The following NBAS variants were observed in gnomAD, a reference collection of about 807,000 sequenced individuals.
NBAS encodes the protein NAG/BC035112 fusion.
NBAS carries 219 observed loss-of-function variants against 302.5 expected under a neutral mutation model. The observed-to-expected ratio is 0.72, with a 90% CI of 0.65 to 0.81. The LOEUF (loss-of-function observed/expected upper bound fraction) is 0.81. NBAS is among the 30% of genes least tolerant of loss of function. NBAS has a pLI of 0.00. For missense variants in NBAS, 2,932 were observed against 2,841.6 expected (o/e 1.03, Z -0.72); for synonymous variants, 1,118 against 1,021.6 (o/e 1.09, Z -1.80).
At chr2:15,027,159 GCATTCA>G in the NBAS span, among the ~76,000 whole-genome samples, 3 of 151,970 alleles carry the variant, frequency 2.0e-5, no homozygotes, top group Non-Finnish European at 2.9e-5. Context: ...ATTTGGCATG[GCATTCA>G]CATTTAATAT....
At chr2:15,001,504 A>T in the NBAS span, among the ~76,000 whole-genome samples, 1 of 152,272 alleles carries the variant, frequency 6.6e-6, no homozygotes, top group Non-Finnish European at 1.5e-5. Context: ...GCAGGAGAAA[A>T]CCTACATACT....
the NBAS span, among the ~76,000 whole-genome samples, chr2:15,119,691 T>C: frequency 6.6e-6 from 1 of 152,056 alleles, no homozygotes; most frequent in African/African-American, 2.4e-5. Context: ...TGAATATAAG[T>C]GCATCTGGCT....
At chr2:15,485,107 G>C (rs1680568780) in intron 12 of NBAS, among the ~76,000 whole-genome samples, 1 of 151,888 alleles carries the variant, frequency 6.6e-6, no homozygotes, top group Non-Finnish European at 1.5e-5. Context: ...CTATTAGAAA[G>C]CTAAGGGTTT....
Position 15,473,211 on chromosome 2 carries a change from T to C in NBAS, c.1725+11A>G, listed in dbSNP as rs1402272043. 1.2e-6 allele frequency: 2 copies of C among 1,613,386 alleles called. No individual in the cohort carries two copies. Among genetic ancestry groups the C allele is most frequent in the African/African-American group, 1.3e-5 (1 of 74,890 alleles). ...TACATTTTACCACATTACCAAAATA[T>C]TTAAACATACCAAATAATTCTGAAT... On this transcript the variant is annotated intron_variant, in intron 16 of 51. Transcript: ENST00000281513.
At chr2:14,846,431 C>A in the NBAS span, among the ~76,000 whole-genome samples, 438 of 136,604 alleles carry the variant, frequency 3.2e-3, 3 homozygotes, top group African/African-American at 0.013. Flanking sequence ...AAAAGGAGTA[C>A]TTCAATTAGA....
chr2:14,858,600 A>C, the NBAS span, among the ~76,000 whole-genome samples: 1 of 151,086 alleles, frequency 6.6e-6, no homozygotes, highest in Non-Finnish European at 1.5e-5. Context: ...TATTTATGAG[A>C]GGTAAATATT....
chr2:14,910,895 G>C, the NBAS span, among the ~76,000 whole-genome samples: 1 of 152,210 alleles, frequency 6.6e-6, no homozygotes, highest in Non-Finnish European at 1.5e-5. Flanking sequence ...TGAAGAATCA[G>C]AATATCAAAA....
the NBAS span, among the ~76,000 whole-genome samples, chr2:15,109,280 G>C: frequency 6.6e-6 from 1 of 152,048 alleles, no homozygotes; most frequent in African/African-American, 2.4e-5. Flanking sequence ...TGAATCTATG[G>C]TTAGTGTACA....
chr2:14,912,703 TAAAAAAAA>T, the NBAS span, among the ~76,000 whole-genome samples: 5 of 78,554 alleles, frequency 6.4e-5, no homozygotes, highest in Non-Finnish European at 1.4e-4. Flanking sequence ...CATTCATTTT[TAAAAAAAA>T]AAAAAAAAAA....
At chr2:14,994,709 T>G in the NBAS span, among the ~76,000 whole-genome samples, 10 of 152,190 alleles carry the variant, frequency 6.6e-5, no homozygotes, top group Non-Finnish European at 1.3e-4. Flanking sequence ...TCCTATCTTC[T>G]TTTCCCAACC....
At chr2:15,257,077 A>G (rs1004190649) in intron 44 of NBAS, among the ~76,000 whole-genome samples, 1 of 152,176 alleles carries the variant, frequency 6.6e-6, no homozygotes, top group South Asian at 2.1e-4. Context: ...ATGATTTAGG[A>G]AAGATTCCCT....
intron 44 of NBAS, 33 bp from the exon 45 acceptor site, chr2:15,238,719 C>T (rs747762025): frequency 2.5e-6 from 4 of 1,575,206 alleles, no homozygotes; most frequent in East Asian, 4.5e-5. Context: ...CCAAAGAACC[C>T]TGCATTATTA....
In NBAS at chr2:15,234,530, C is replaced by T. The variant is rs1667507807; in HGVS notation, c.6146+15G>A. Reference sequence around the variant, plus strand: ...GTCACCCCAGTTTTTCCACAATGACCACTTTCTAGCTTACCTCAATGCAGA... The same window carrying T: ...GTCACCCCAGTTTTTCCACAATGACTACTTTCTAGCTTACCTCAATGCAGA... On this transcript the variant is annotated intron_variant, in intron 46 of 51. Coordinates refer to ENST00000281513, the MANE Select transcript of NBAS (RefSeq NM_015909.4). 1 of 1,612,408 alleles carries T rather than the reference C, an allele frequency of 6.2e-7. No individual in the cohort carries two copies. Among genetic ancestry groups the T allele is most frequent in the Non-Finnish European group, 8.5e-7 (1 of 1,179,760 alleles).
chr2:15,014,199 TATTTGGG>T, the NBAS span, among the ~76,000 whole-genome samples: 1 of 152,190 alleles, frequency 6.6e-6, no homozygotes, highest in Admixed American at 6.5e-5. Flanking sequence ...TGTGAAATAA[TATTTGGG>T]ATTTCTCATT....
At chr2:15,171,160 G>A (rs140676649) in intron 51 of NBAS, among the ~76,000 whole-genome samples, 206 of 152,254 alleles carry the variant, frequency 1.4e-3, no homozygotes, top group African/African-American at 4.9e-3. Context: ...AGTGGAAATA[G>A]TTGGAAAAAA....
chr2:14,852,584 A>G, the NBAS span, among the ~76,000 whole-genome samples: 2 of 109,402 alleles, frequency 1.8e-5, no homozygotes, highest in East Asian at 4.8e-4. Flanking sequence ...TAAAGTTCAT[A>G]AGGAACCAAA....
the NBAS span, among the ~76,000 whole-genome samples, chr2:15,006,497 A>C: frequency 1.3e-5 from 2 of 152,186 alleles, no homozygotes; most frequent in South Asian, 2.1e-4. Flanking sequence ...AAAAATATTA[A>C]TTGTATACAC....
At chr2:15,018,724 C>T in the NBAS span, among the ~76,000 whole-genome samples, 50 of 151,818 alleles carry the variant, frequency 3.3e-4, no homozygotes, top group African/African-American at 5.8e-4. Context: ...CATTTCTACA[C>T]GTAATAATTT....
chr2:14,867,298 G>T, the NBAS span, among the ~76,000 whole-genome samples: 5 of 152,150 alleles, frequency 3.3e-5, no homozygotes, highest in African/African-American at 1.2e-4. Context: ...CTACATCATG[G>T]CTCAGGAGGG....
Sources: gnomAD v4.1 joint callset for allele counts (sites outside exome capture counted in the v4.1 genomes callset) on GRCh38, gnomAD v4.1.1 for gene constraint, MANE v1.5 for transcripts, NCBI Gene and HGNC (gene_info 2026-07-23, HGNC 2026-07-21) for gene names.